Variants in SBK1 observed in about 807,000 individuals in gnomAD.
The protein encoded by SBK1 is serine/threonine-protein kinase SBK1.
A neutral mutation model predicts 24.4 loss-of-function variants in SBK1; 11 were observed. The observed-to-expected ratio is 0.45, with a 90% CI of 0.28 to 0.75. The LOEUF (loss-of-function observed/expected upper bound fraction) is 0.75, where lower values mean the gene tolerates loss of function less well. SBK1 is among the 30% of genes least tolerant of loss of function. The pLI, the probability that SBK1 is intolerant of heterozygous loss-of-function variation, is 0.12. For missense variants in SBK1, 467 were observed against 620.5 expected (o/e 0.75, Z 2.63); for synonymous variants, 308 against 284.4 (o/e 1.08, Z -0.83).
intron 1 of SBK1, among the ~76,000 whole-genome samples, chr16:28,271,086 A>T (rs1272146692): frequency 6.6e-6 from 1 of 150,688 alleles, no homozygotes; most frequent in Non-Finnish European, 1.5e-5. Flanking sequence ...GATGGTCTCG[A>T]TCTCCTGACC....
chr16:28,280,139 A>ATGTG (rs1312773756), intron 1 of SBK1, among the ~76,000 whole-genome samples: 5 of 58,640 alleles, frequency 8.5e-5, no homozygotes, highest in African/African-American at 1.4e-4. Flanking sequence ...ATATATATAT[A>ATGTG]TATATATATA....
At chr16:28,289,778 A>AC (rs1164765448), upstream of SBK1, among the ~76,000 whole-genome samples, 2 of 151,180 alleles carry the variant, frequency 1.3e-5, no homozygotes, top group East Asian at 2.0e-4. Flanking sequence ...AGAAAAAAAA[A>AC]AAAAACAAAA....
intron 1 of SBK1, among the ~76,000 whole-genome samples, chr16:28,270,023 G>A (rs1041417040): frequency 1.3e-5 from 2 of 152,084 alleles, no homozygotes; most frequent in Non-Finnish European, 2.9e-5. Flanking sequence ...CTTCTCAACA[G>A]CAATCCTGGA....
chr16:28,264,299 A>G (rs2044414779), intron 1 of SBK1, among the ~76,000 whole-genome samples: 1 of 151,900 alleles, frequency 6.6e-6, no homozygotes, highest in African/African-American at 2.4e-5. Context: ...GAACATCAAG[A>G]ATACAGGCTC....
chr16:28,259,358 C>T lies in SBK1; in HGVS notation c.113C>T (p.Ala38Val), dbSNP rs1041554845. Residue 38 changes from alanine (A) to valine (V), a missense_variant, in exon 1 of 4, where the codon GCC becomes GTC. Transcript: ENST00000671413. This position sits in a 1 kb window ranked among gnomAD's most constrained non-coding sequence, Gnocchi z 6.0. The stretch of plus-strand genomic sequence containing the variant: ...CAGGCTGGCGATGATGCTGCGGAGG[C>T]CACCCCTGGCCACCCCTGCCCTGTC... The T allele has an allele frequency of 4.4e-6, 3 of 683,354 alleles. No individual in the cohort carries two copies. Among genetic ancestry groups the T allele is most frequent in the African/African-American group, 1.9e-5 (1 of 51,300 alleles). 42.3% of individuals were successfully genotyped at this position (683,354 alleles called of 1,614,324 possible).
At chr16:28,280,027 G>A (rs1261770109) in intron 1 of SBK1, among the ~76,000 whole-genome samples, 1 of 145,952 alleles carries the variant, frequency 6.9e-6, no homozygotes, top group African/African-American at 2.5e-5. Context: ...TATTGACCAC[G>A]CTGGAATACA....
intron 1 of SBK1, among the ~76,000 whole-genome samples, chr16:28,316,727 A>G (rs1232445302): frequency 1.3e-5 from 2 of 152,182 alleles, no homozygotes; most frequent in Non-Finnish European, 2.9e-5. Flanking sequence ...AAATAAATAA[A>G]AATTAGCCAG....
chr16:28,298,434 G>A (rs2044656228), intron 1 of SBK1, among the ~76,000 whole-genome samples: 1 of 152,260 alleles, frequency 6.6e-6, no homozygotes. Context: ...AAAGGTTTGT[G>A]TGAAGCCAGT....
At chr16:28,293,434 G>A (rs1290632273) in intron 1 of SBK1, 134 bp downstream of exon 1, 2 of 267,610 alleles carry the variant, frequency 7.5e-6, no homozygotes, top group Non-Finnish European at 1.2e-5. Flanking sequence ...GCTGAAGGAC[G>A]TCTCTTTGTG....
In SBK1 at chr16:28,308,207, A is replaced by G. The variant is rs147891460; in HGVS notation, c.-7-9178A>G. On this transcript the variant is annotated intron_variant, in intron 1 of 3. Coordinates refer to ENST00000341901, the MANE Select transcript of SBK1 (RefSeq NM_001024401.3). Reference sequence around the variant, plus strand: ...TCGCTGTCACCCAGGCTGGAGTGCAATGGCACAATCTCAGCTCACTGCCAG... The same window carrying G: ...TCGCTGTCACCCAGGCTGGAGTGCAGTGGCACAATCTCAGCTCACTGCCAG... Among the ~76,000 whole-genome samples the G allele has an allele frequency of 1.4e-3, 210 of 152,140 alleles. 1 individual carries two copies. The highest frequency in any genetic ancestry group is 4.9e-3 in the African/African-American group (203 of 41,518).
Position 28,321,419 on chromosome 16 carries a change from G to A in SBK1, c.*498G>A, listed in dbSNP as rs1407448845. 6.5e-6 allele frequency: 1 copy of A among 153,016 alleles called. No homozygotes were observed. Among genetic ancestry groups the A allele is most frequent in the Non-Finnish European group, 1.5e-5 (1 of 68,300 alleles). The allele number at this position is 153,016 out of a possible 1,614,324, so 9.5% of individuals were successfully genotyped here. A position where few individuals can be genotyped will look rare whatever the true frequency, so the allele number is the denominator to read the frequency against. On this transcript the variant is annotated 3_prime_UTR_variant, in exon 4 of 4. Transcript: ENST00000341901. ...CCCACCCTGGGTACAGAAAGGGACT[G>A]AAGTGTTGGGCAGAGAGGGGGCTTA...
chr16:28,264,118 G>A (rs1379149246), intron 1 of SBK1, among the ~76,000 whole-genome samples: 1 of 152,132 alleles, frequency 6.6e-6, no homozygotes, highest in East Asian at 1.9e-4. Context: ...GACACAGCAA[G>A]ACCCTGTCTC....
At chr16:28,282,981 G>A (rs530188126) in intron 1 of SBK1, among the ~76,000 whole-genome samples, 48 of 152,250 alleles carry the variant, frequency 3.2e-4, no homozygotes, top group Admixed American at 7.2e-4. Context: ...TTGCCAGGCT[G>A]GAGTGCAGTG....
At chr16:28,263,879 C>T (rs2044412180) in intron 1 of SBK1, among the ~76,000 whole-genome samples, 1 of 152,160 alleles carries the variant, frequency 6.6e-6, no homozygotes, top group South Asian at 2.1e-4. Context: ...AATCCCAGCA[C>T]TTTGGGAGAC....
In SBK1 at chr16:28,292,601, G is replaced by T. The variant is rs1246474051; in HGVS notation, c.-707G>T. 1 of 980,164 alleles carries T rather than the reference G, an allele frequency of 1.0e-6. No homozygotes were observed. Among genetic ancestry groups the T allele is most frequent in the Non-Finnish European group, 1.2e-6 (1 of 827,266 alleles). The allele number at this position is 980,164 out of a possible 1,614,324, so 60.7% of individuals were successfully genotyped here. A position where few individuals can be genotyped will look rare whatever the true frequency, so the allele number is the denominator to read the frequency against. On this transcript the variant is annotated 5_prime_UTR_variant, in exon 1 of 4. Coordinates refer to ENST00000341901, the MANE Select transcript of SBK1 (RefSeq NM_001024401.3). ...GCCAGGCGGAGCGCGAGCTGGAGCC[G>T]CAGCCGGAGCCCGGGCCAGGCCGGG...
chr16:28,297,826 T>G (rs1382901860), intron 1 of SBK1, among the ~76,000 whole-genome samples: 1 of 152,144 alleles, frequency 6.6e-6, no homozygotes, highest in Non-Finnish European at 1.5e-5. Flanking sequence ...AGGCTTCTGG[T>G]TCTGTCCTCA....
At chr16:28,302,348 T>C (rs1391212705) in intron 1 of SBK1, among the ~76,000 whole-genome samples, 17 of 152,226 alleles carry the variant, frequency 1.1e-4, no homozygotes, top group Non-Finnish European at 8.8e-5. Context: ...ACTTCTGCAC[T>C]GGAGTAAACA....
At chr16:28,301,691 G>T (rs376010274) in intron 1 of SBK1, among the ~76,000 whole-genome samples, 2 of 152,252 alleles carry the variant, frequency 1.3e-5, no homozygotes, top group Admixed American at 1.3e-4. Context: ...CCAAGGCACA[G>T]TGAGAGGAAG....
At chr16:28,286,725 T>C (rs972940781) in intron 1 of SBK1, 2 of 152,206 alleles carry the variant, frequency 1.3e-5, no homozygotes, top group Non-Finnish European at 2.9e-5. Flanking sequence ...GCCTTCTCTC[T>C]GTCATGACTG....
Sources: allele counts gnomAD v4.1 joint callset (sites outside exome capture counted in the v4.1 genomes callset), GRCh38; gene constraint gnomAD v4.1.1; non-coding constraint Gnocchi (gnomAD v3.1); transcripts MANE v1.5; gene names NCBI Gene and HGNC (gene_info 2026-07-23, HGNC 2026-07-21).